Variants in EBF1 observed in about 807,000 individuals in gnomAD.
EBF1 encodes EBF transcription factor 1, also known as transcription factor COE1.
In EBF1, 10 loss-of-function variants were observed where a neutral mutation model predicts 68.4. The ratio of observed to expected loss-of-function variants is 0.15; its 90% confidence interval spans 0.09 to 0.25. The LOEUF (loss-of-function observed/expected upper bound fraction) is 0.25, where lower values mean the gene tolerates loss of function less well. EBF1 is among the 10% of genes least tolerant of loss of function. The pLI is 1.00. For synonymous variants in EBF1, 298 were observed against 299.8 expected, an observed-to-expected ratio of 0.99 and a Z score of 0.06; for missense variants, 509 against 794.4, an observed-to-expected ratio of 0.64 and a Z score of 4.32.
intron 6 of EBF1, among the ~76,000 whole-genome samples, chr5:158,881,932 G>A (rs1798985018): frequency 6.6e-6 from 1 of 152,188 alleles, no homozygotes; most frequent in South Asian, 2.1e-4. Flanking sequence ...TCCCTTCACA[G>A]GGCTATGTGT....
chr5:158,819,539 C>G (rs1784408554), intron 8 of EBF1, among the ~76,000 whole-genome samples: 1 of 152,188 alleles, frequency 6.6e-6, no homozygotes, highest in African/African-American at 2.4e-5. Flanking sequence ...CCAATAGCAA[C>G]ACTCCTCAGG....
At chr5:158,708,281 C>G in intron 14 of EBF1, 108 bp from the exon 15 acceptor site, 2 of 1,163,222 alleles carry the variant, frequency 1.7e-6, no homozygotes, top group Non-Finnish European at 1.2e-6. Flanking sequence ...CCTGCTCAGA[C>G]GATGCTTCCA....
intron 4 of EBF1, among the ~76,000 whole-genome samples, chr5:159,090,799 C>G (rs911191923): frequency 3.0e-5 from 4 of 133,582 alleles, no homozygotes; most frequent in Admixed American, 2.9e-4. Flanking sequence ...CTTTGTCAAC[C>G]CAATGGGGTA....
intron 6 of EBF1, among the ~76,000 whole-genome samples, chr5:158,954,261 G>T (rs930332897): frequency 2.0e-5 from 3 of 151,854 alleles, no homozygotes; most frequent in African/African-American, 4.9e-5. Flanking sequence ...TCACTCTGAC[G>T]CAATCTAGTT....
intron 6 of EBF1, among the ~76,000 whole-genome samples, chr5:158,870,766 T>C (rs927536473): frequency 6.6e-6 from 1 of 152,124 alleles, no homozygotes; most frequent in Non-Finnish European, 1.5e-5. Flanking sequence ...TGAACCAACA[T>C]CTGGTTCACC....
At chr5:158,825,984 C>G (rs1237597469) in intron 7 of EBF1, among the ~76,000 whole-genome samples, 8 of 151,040 alleles carry the variant, frequency 5.3e-5, no homozygotes, top group Admixed American at 5.3e-4. Context: ...TAAAAATAGG[C>G]CCATGGTAGG....
At chr5:158,908,635 C>A (rs1228829315) in intron 6 of EBF1, among the ~76,000 whole-genome samples, 3 of 152,206 alleles carry the variant, frequency 2.0e-5, no homozygotes, top group African/African-American at 7.2e-5. Flanking sequence ...CAGTTCCCAA[C>A]CTCATTTTAA....
intron 7 of EBF1, among the ~76,000 whole-genome samples, chr5:158,833,673 G>A (rs1199954979): frequency 2.0e-5 from 3 of 152,192 alleles, no homozygotes; most frequent in Non-Finnish European, 4.4e-5. Flanking sequence ...GAATAGGAGA[G>A]GCATAAAATA....
intron 8 of EBF1, among the ~76,000 whole-genome samples, chr5:158,800,257 T>G (rs138991347): frequency 6.6e-6 from 1 of 152,284 alleles, no homozygotes; most frequent in Non-Finnish European, 1.5e-5. Context: ...GTAATTAAGT[T>G]GATTTTTAAA....
At chr5:158,931,552 G>C (rs1168196742) in intron 6 of EBF1, among the ~76,000 whole-genome samples, 1 of 152,162 alleles carries the variant, frequency 6.6e-6, no homozygotes, top group Non-Finnish European at 1.5e-5. Flanking sequence ...CAGTATCATG[G>C]AGCAAATCAA....
chr5:159,014,078 A>T (rs537878490), intron 6 of EBF1, among the ~76,000 whole-genome samples: 4 of 152,376 alleles, frequency 2.6e-5, no homozygotes, highest in South Asian at 4.2e-4. Flanking sequence ...TCTACAGAGA[A>T]AGGAACCATC....
chr5:158,947,945 C>A (rs1815140181), intron 6 of EBF1, among the ~76,000 whole-genome samples: 1 of 152,154 alleles, frequency 6.6e-6, no homozygotes, highest in African/African-American at 2.4e-5. Flanking sequence ...AGCACTAGTT[C>A]TCTTGGTATT....
rs372167937 is a variant in EBF1, at chr5:159,011,839, A to G, written c.554+61557T>C. On this transcript the variant is annotated intron_variant, in intron 6 of 15. Coordinates refer to ENST00000313708, the MANE Select transcript of EBF1 (RefSeq NM_024007.5). ...AAGATGGGTTCTGCTAAGAAAAAATATAATGAAAATAAATCTTGCGCTTTA... is the reference window on the plus strand; with the variant it reads ...AAGATGGGTTCTGCTAAGAAAAAATGTAATGAAAATAAATCTTGCGCTTTA... Among the ~76,000 whole-genome samples the G allele has an allele frequency of 2.2e-3, 333 of 152,380 alleles. 2 individuals carry two copies. The highest frequency in any genetic ancestry group is 7.5e-3 in the African/African-American group (314 of 41,592).
chr5:158,905,234 C>T (rs1804321255), intron 6 of EBF1, among the ~76,000 whole-genome samples: 1 of 152,210 alleles, frequency 6.6e-6, no homozygotes, highest in Non-Finnish European at 1.5e-5. Flanking sequence ...CGTGTAACTC[C>T]CAACCATCCT....
At chr5:158,938,304 A>G (rs1163431408) in intron 6 of EBF1, among the ~76,000 whole-genome samples, 3 of 152,156 alleles carry the variant, frequency 2.0e-5, no homozygotes, top group Non-Finnish European at 2.9e-5. Flanking sequence ...CCAGGCCCTG[A>G]CCCAGGACAG....
intron 6 of EBF1, among the ~76,000 whole-genome samples, chr5:159,064,127 C>G (rs964494947): frequency 1.3e-4 from 20 of 152,084 alleles, no homozygotes; most frequent in Non-Finnish European, 2.1e-4. Context: ...GTACAATAAA[C>G]AGTGTCACAT....
chr5:158,893,868 T>A (rs1422797), intron 6 of EBF1, among the ~76,000 whole-genome samples: 49,540 of 151,784 alleles, frequency 0.33, 8,662 homozygotes, highest in South Asian at 0.57. Flanking sequence ...GCTGAAGGGC[T>A]CTTCGGGGAC....
At chr5:158,769,818 G>A (rs1220837554) in intron 10 of EBF1, among the ~76,000 whole-genome samples, 1 of 151,996 alleles carries the variant, frequency 6.6e-6, no homozygotes, top group Non-Finnish European at 1.5e-5. Flanking sequence ...TTTTCTTTGT[G>A]TGTAAATGGT....
At chr5:158,929,636 A>C (rs149170396) in intron 6 of EBF1, among the ~76,000 whole-genome samples, 1 of 152,366 alleles carries the variant, frequency 6.6e-6, no homozygotes, top group Admixed American at 6.5e-5. Context: ...CATCCTGCTA[A>C]TTAACAGTTA....
Sources: allele counts gnomAD v4.1 joint callset (sites outside exome capture counted in the v4.1 genomes callset), GRCh38; gene constraint gnomAD v4.1.1; transcripts MANE v1.5; gene names NCBI Gene and HGNC (gene_info 2026-07-23, HGNC 2026-07-21).